GIT2: variants seen among roughly 807,000 people sequenced by gnomAD.
The protein encoded by GIT2 is ARF GTPase-activating protein GIT2.
In GIT2, 32 loss-of-function variants were observed where a neutral mutation model predicts 100.3. The ratio of observed to expected loss-of-function variants is 0.32; its 90% CI spans 0.24 to 0.43. The LOEUF is 0.43. Among genes scored for constraint, GIT2 ranks in the 20% least tolerant of loss-of-function variants. The pLI, the probability that GIT2 is intolerant of heterozygous loss-of-function variation, is 1.00. For synonymous variants in GIT2, 353 were observed against 364.1 expected, an observed-to-expected ratio of 0.97 and a Z score of 0.35; for missense variants, 737 against 975.1, an observed-to-expected ratio of 0.76 and a Z score of 3.25.
At position 109,947,529 on chromosome 12, in the gene GIT2, A is replaced by G. The variant is rs375880736; in HGVS notation, c.1393-25T>C. ...GCTGAAAGAAATGTTTGGCAGTGGG[A>G]CTGTGTTTTTTTACAGCAAGCAGAA... On this transcript the variant is annotated intron_variant, in intron 14 of 19. Transcript: ENST00000355312. The surrounding 1 kb of genome is among the most constrained non-coding windows in gnomAD (Gnocchi z 4.3). The G allele has an allele frequency of 3.7e-6, 6 of 1,602,440 alleles. No individual in the cohort carries two copies. The Admixed American group carries it at 8.6e-5, about 23-fold the overall frequency.
intron 7 of GIT2, among the ~76,000 whole-genome samples, chr12:109,980,437 A>C (rs904222253): frequency 2.0e-5 from 3 of 152,086 alleles, no homozygotes; most frequent in African/African-American, 7.2e-5. Context: ...TCTGTCACCT[A>C]GGCTGAAGTG....
chr12:109,933,198 GAA>G lies in GIT2; in HGVS notation c.2068-10_2068-9del, dbSNP rs761498479. 40 of 1,493,670 alleles carry G rather than the reference GAA, an allele frequency of 2.7e-5. No individual in the cohort carries two copies. The Middle Eastern group carries it at 2.0e-3, about 76-fold the overall frequency. 92.5% of individuals were successfully genotyped at this position (1,493,670 alleles called of 1,614,324 possible). On this transcript the variant is annotated splice_polypyrimidine_tract_variant and intron_variant, in intron 19 of 19. Transcript: ENST00000355312. The surrounding 1 kb of genome is among the most constrained non-coding windows in gnomAD (Gnocchi z 4.5). ...CATATCAGACTTGGGTTTCTAAAAG[GAA>G]AAAGACAGCCGTTTACCCTGAACTG...
At chr12:109,990,981 T>C (rs906626135) in intron 2 of GIT2, among the ~76,000 whole-genome samples, 2 of 152,190 alleles carry the variant, frequency 1.3e-5, no homozygotes, top group Non-Finnish European at 2.9e-5. Flanking sequence ...TCTCAGGCAG[T>C]AGCCTTCAGA....
At position 109,959,939 on chromosome 12, in the gene GIT2, C is replaced by T; in HGVS notation, c.1007G>A (p.Arg336Gln). The T allele has an allele frequency of 1.9e-6, 3 of 1,612,402 alleles. No homozygotes were observed. The highest frequency in any genetic ancestry group is 2.5e-6 in the Non-Finnish European group (3 of 1,178,626). Residue 336 changes from arginine (R) to glutamine (Q), a missense_variant, in exon 12 of 20, where the codon CGG becomes CAG. Around this residue, in one of 3 missense-constraint regions of GIT2, gnomAD observed 20 missense variants for 55.2 expected, o/e 0.36. Transcript: ENST00000355312. ...TRNQGRQKLA[R>Q]FNAHEFATLV... ...CGTGGCAAACTCATGGGCGTTGAAC[C>T]GAGCTAACTTCTGTCTGCCCTAAAG...
chr12:109,954,487 C>T (rs1878834456), intron 12 of GIT2: 1 of 152,106 alleles, frequency 6.6e-6, no homozygotes, highest in Non-Finnish European at 1.5e-5. Flanking sequence ...ACAAACTACC[C>T]AAGTCTCTCT....
chr12:109,979,569 C>T (rs12320990), intron 7 of GIT2, among the ~76,000 whole-genome samples: 12,520 of 151,850 alleles, frequency 0.082, 549 homozygotes, highest in Middle Eastern at 0.13. Flanking sequence ...CACCGCACCC[C>T]GCAGAAAAAG....
Position 109,951,330 on chromosome 12 carries a change from G to T in GIT2, c.1243-14C>A. On this transcript the variant is annotated splice_polypyrimidine_tract_variant and intron_variant, in intron 13 of 19. Coordinates refer to ENST00000355312, the MANE Select transcript of GIT2 (RefSeq NM_057169.5). Reference sequence around the variant, plus strand: ...TGAATCTAGGCTCTAAAAATAAATTGGGAAAACGTTCACAATCTGAGATGA... The same window carrying T: ...TGAATCTAGGCTCTAAAAATAAATTTGGAAAACGTTCACAATCTGAGATGA... 1 of 1,597,400 alleles carries T rather than the reference G, an allele frequency of 6.3e-7. No individual in the cohort carries two copies. The highest frequency in any genetic ancestry group is 1.3e-5 in the African/African-American group (1 of 74,574).
chr12:109,983,568 CACTT>C (rs762477400), intron 5 of GIT2, 36 bp downstream of exon 5: 2 of 1,589,530 alleles, frequency 1.3e-6, no homozygotes, highest in Non-Finnish European at 1.7e-6. Context: ...GAACACAACT[CACTT>C]AGTTTCAATA....
chr12:109,976,887 C>G (rs1885216630), intron 7 of GIT2, among the ~76,000 whole-genome samples: 1 of 152,202 alleles, frequency 6.6e-6, no homozygotes, highest in Non-Finnish European at 1.5e-5. Flanking sequence ...CTGCACCTGG[C>G]TGACAATGTT....
intron 9 of GIT2, among the ~76,000 whole-genome samples, chr12:109,963,949 C>G (rs922484224): frequency 6.6e-6 from 1 of 152,174 alleles, no homozygotes; most frequent in African/African-American, 2.4e-5. Context: ...ACTGACCAGT[C>G]TGACTCAGAG....
In GIT2 at chr12:109,947,686, A is replaced by G. The variant is rs1876719755; in HGVS notation, c.1393-182T>C. ...TTCTGGATTGGGTGAAACACAATCA[A>G]CTCCCTTCATCACGTAAGCAAATTA... On this transcript the variant is annotated intron_variant, in intron 14 of 19. Coordinates refer to ENST00000355312, the MANE Select transcript of GIT2 (RefSeq NM_057169.5). This position sits in a 1 kb window ranked among gnomAD's most constrained non-coding sequence, Gnocchi z 4.3. The G allele has an allele frequency of 1.7e-6, 1 of 581,520 alleles. No individual in the cohort carries two copies. Among genetic ancestry groups the G allele is most frequent in the Non-Finnish European group, 3.0e-6 (1 of 329,250 alleles). 36.0% of individuals were successfully genotyped at this position (581,520 alleles called of 1,614,324 possible). A position where few individuals can be genotyped will look rare whatever the true frequency, so the allele number is the denominator to read the frequency against.
At chr12:109,936,274 A>G (rs1203540658) in intron 18 of GIT2, among the ~76,000 whole-genome samples, 2 of 151,854 alleles carry the variant, frequency 1.3e-5, no homozygotes, top group African/African-American at 4.8e-5. Flanking sequence ...AAAAAAAAAA[A>G]GGAAATCAGA....
At chr12:109,976,615 G>A (rs1386032225) in intron 7 of GIT2, among the ~76,000 whole-genome samples, 4 of 147,128 alleles carry the variant, frequency 2.7e-5, no homozygotes, top group East Asian at 2.0e-4. Flanking sequence ...TTTTGAGATG[G>A]AGTCTCCCTG....
In GIT2 at chr12:109,951,274, C is replaced by G. The variant is rs1877765754; in HGVS notation, c.1285G>C (p.Glu429Gln). The G allele has an allele frequency of 6.2e-7, 1 of 1,611,740 alleles. No homozygotes were observed. The highest frequency in any genetic ancestry group is 8.5e-7 in the Non-Finnish European group (1 of 1,177,914). Residue 429 changes from glutamate to glutamine, a missense_variant, in exon 14 of 20, where the codon GAA becomes CAA. Transcript: ENST00000355312. The stretch of plus-strand genomic sequence containing the variant: ...AGAGCGTTTTTGACCTCCATAAATT[C>G]CTGTACAGTGACTGGTCCATCTGAT... ...DLSDGPVTVQ[E>Q]FMEVKNALVA...
At chr12:109,952,418 C>T (rs1191828789) in intron 13 of GIT2, 1 of 498,128 alleles carries the variant, frequency 2.0e-6, no homozygotes, top group East Asian at 5.5e-5. Flanking sequence ...TCTCTCCCTC[C>T]ACTCTCTAAC....
intron 9 of GIT2, among the ~76,000 whole-genome samples, chr12:109,963,873 T>G (rs946122159): frequency 1.3e-5 from 2 of 152,090 alleles, no homozygotes; most frequent in Admixed American, 1.3e-4. Context: ...GATCCTTATC[T>G]CCCTCTTCTA....
At position 109,948,985 on chromosome 12, in the gene GIT2, C is replaced by T; in HGVS notation, c.1393-1481G>A. The T allele has an allele frequency of 1.6e-6, 1 of 615,738 alleles. No individual in the cohort carries two copies. Among genetic ancestry groups the T allele is most frequent in the South Asian group, 2.1e-5 (1 of 47,440 alleles). The allele number at this position is 615,738 out of a possible 1,614,324, so 38.1% of individuals were successfully genotyped here. A position where few individuals can be genotyped will look rare whatever the true frequency, so the allele number is the denominator to read the frequency against. ...TTCCATATACTTTATATTAATCATGCCAAACTGCTGTGAAAGTGTGACTTA... is the reference window on the plus strand; with the variant it reads ...TTCCATATACTTTATATTAATCATGTCAAACTGCTGTGAAAGTGTGACTTA... On this transcript the variant is annotated intron_variant, in intron 14 of 19. Transcript: ENST00000355312. This position sits in a 1 kb window ranked among gnomAD's most constrained non-coding sequence, Gnocchi z 4.3.
chr12:109,999,825 CG>C, upstream of GIT2: 1 of 1,475,666 alleles, frequency 6.8e-7, no homozygotes. The surrounding 1 kb of genome is among the most constrained non-coding windows in gnomAD (Gnocchi z 4.3). Flanking sequence ...GTGGGGACTT[CG>C]GGGAATCGGG....
chr12:109,965,825 C>T (rs777937751), intron 8 of GIT2: 15 of 624,908 alleles, frequency 2.4e-5, no homozygotes, highest in East Asian at 3.4e-5. Context: ...ACCAACTAAA[C>T]GACAAAAGCT....
Sources: gnomAD v4.1 joint callset for allele counts (sites outside exome capture counted in the v4.1 genomes callset) on GRCh38, gnomAD v4.1.1 for gene constraint, gnomAD v4.1.1 regional missense constraint, Gnocchi (gnomAD v3.1) non-coding constraint, MANE v1.5 for transcripts, NCBI Gene and HGNC (gene_info 2026-07-23, HGNC 2026-07-21) for gene names.